Variants in PTPRT observed in about 807,000 individuals in gnomAD.
PTPRT encodes receptor-type tyrosine-protein phosphatase T.
PTPRT carries 56 observed loss-of-function variants against 176.8 expected under a neutral mutation model. The ratio of observed to expected loss-of-function variants is 0.32; its 90% CI spans 0.26 to 0.40. PTPRT has a LOEUF of 0.40. Among genes scored for constraint, PTPRT ranks in the 10% least tolerant of loss-of-function variants. PTPRT has a pLI of 1.00. For missense variants in PTPRT, 1,540 were observed against 1,908.2 expected, an observed-to-expected ratio of 0.81 and a Z score of 3.60; for synonymous variants, 783 against 739.0, an observed-to-expected ratio of 1.06 and a Z score of -0.96.
intron 13 of PTPRT, chr20:42,270,382 G>T: frequency 1.4e-6 from 2 of 1,439,060 alleles, no homozygotes; most frequent in Non-Finnish European, 1.9e-6. Flanking sequence ...ACCCGCCCAG[G>T]GCTCTGGTGA....
intron 15 of PTPRT, among the ~76,000 whole-genome samples, chr20:42,204,676 G>A (rs909067811): frequency 1.3e-5 from 2 of 152,162 alleles, no homozygotes; most frequent in Non-Finnish European, 1.5e-5. Flanking sequence ...CTTGTTAGCT[G>A]AGGGAGGGGT....
Position 42,900,831 on chromosome 20 carries a change from T to G in PTPRT, c.89-14899A>C, listed in dbSNP as rs975403174. The stretch of plus-strand genomic sequence containing the variant: ...TGTGCTAAAGGGTAGAAGCCTACCC[T>G]GAAGCACCATAACCTAAGCCCAGGG... On this transcript the variant is annotated intron_variant, in intron 1 of 30. Coordinates refer to ENST00000373187, the MANE Select transcript of PTPRT (RefSeq NM_007050.6). Among the ~76,000 whole-genome samples the G allele has an allele frequency of 2.5e-4, 38 of 152,068 alleles. 1 individual carries two copies. Among genetic ancestry groups the G allele is most frequent in the African/African-American group, 8.9e-4 (37 of 41,406 alleles).
chr20:42,631,363 T>C (rs2074401000), intron 7 of PTPRT, among the ~76,000 whole-genome samples: 1 of 135,310 alleles, frequency 7.4e-6, no homozygotes, highest in Non-Finnish European at 1.7e-5. Context: ...ATCAAGATAA[T>C]CTTTTAGAAG....
intron 2 of PTPRT, among the ~76,000 whole-genome samples, chr20:42,851,254 A>T (rs2078464351): frequency 2.0e-5 from 3 of 152,182 alleles, no homozygotes; most frequent in Non-Finnish European, 4.4e-5. Context: ...GCCTGGTGTG[A>T]CACTGAGAAT....
chr20:42,732,887 AG>A (rs2076483259), intron 6 of PTPRT, among the ~76,000 whole-genome samples: 2 of 152,322 alleles, frequency 1.3e-5, no homozygotes, highest in East Asian at 1.9e-4. Flanking sequence ...ACACTACAAA[AG>A]ATCCCTGGAT....
chr20:42,906,727 C>T (rs1045298283), intron 1 of PTPRT, among the ~76,000 whole-genome samples: 1 of 152,222 alleles, frequency 6.6e-6, no homozygotes, highest in Admixed American at 6.5e-5. Flanking sequence ...ACCCCCATCA[C>T]ACACCCTGTG....
At chr20:42,608,950 C>T (rs1287613252) in intron 7 of PTPRT, among the ~76,000 whole-genome samples, 1 of 152,052 alleles carries the variant, frequency 6.6e-6, no homozygotes, top group Non-Finnish European at 1.5e-5. Context: ...GATTTGGGGG[C>T]CATGTTTTAA....
intron 8 of PTPRT, among the ~76,000 whole-genome samples, chr20:42,466,426 G>C (rs964821717): frequency 3.9e-5 from 6 of 152,158 alleles, no homozygotes; most frequent in Admixed American, 1.3e-4. Context: ...ACCATACAGA[G>C]AAAAGAACTG....
intron 1 of PTPRT, among the ~76,000 whole-genome samples, chr20:42,923,158 T>G (rs1044657702): frequency 6.6e-6 from 1 of 151,878 alleles, no homozygotes; most frequent in Non-Finnish European, 1.5e-5. Context: ...GTTCAGCCCC[T>G]GCACCTGGAG....
At chr20:42,474,359 C>T (rs1053711345) in intron 7 of PTPRT, among the ~76,000 whole-genome samples, 1 of 152,120 alleles carries the variant, frequency 6.6e-6, no homozygotes, top group African/African-American at 2.4e-5. Context: ...TAACTTGTGT[C>T]GGCGTCCTAC....
At chr20:42,467,300 G>T (rs6072753) in intron 8 of PTPRT, among the ~76,000 whole-genome samples, 2 of 152,110 alleles carry the variant, frequency 1.3e-5, no homozygotes, top group Non-Finnish European at 2.9e-5. Flanking sequence ...AAAGAAAAAA[G>T]GTGCCACATT....
At chr20:43,091,290 C>A (rs1206203211) in intron 1 of PTPRT, among the ~76,000 whole-genome samples, 1 of 151,712 alleles carries the variant, frequency 6.6e-6, no homozygotes, top group Non-Finnish European at 1.5e-5. Context: ...GGCGTGCAGA[C>A]AAAACAGGTA....
At chr20:42,937,980 T>A (rs1980300692) in intron 1 of PTPRT, among the ~76,000 whole-genome samples, 1 of 152,164 alleles carries the variant, frequency 6.6e-6, no homozygotes, top group African/African-American at 2.4e-5. Context: ...CTTCAAAACA[T>A]AATAAAATCA....
At chr20:42,693,178 A>T (rs755106838) in intron 6 of PTPRT, among the ~76,000 whole-genome samples, 1 of 152,224 alleles carries the variant, frequency 6.6e-6, no homozygotes, top group Non-Finnish European at 1.5e-5. Flanking sequence ...ATTCTTCTTC[A>T]CTGAAAACTG....
intron 1 of PTPRT, among the ~76,000 whole-genome samples, chr20:43,145,597 A>G (rs1034426745): frequency 2.0e-5 from 3 of 152,194 alleles, no homozygotes; most frequent in African/African-American, 7.2e-5. Flanking sequence ...AGGAAAGCCC[A>G]TTTTCAGGAT....
intron 7 of PTPRT, among the ~76,000 whole-genome samples, chr20:42,599,696 CCG>C (rs2073741751): frequency 6.6e-6 from 1 of 152,122 alleles, no homozygotes; most frequent in South Asian, 2.1e-4. Context: ...ACAGAACTGG[CCG>C]CACATTTCAT....
chr20:42,396,633 C>A (rs986558631), intron 9 of PTPRT, among the ~76,000 whole-genome samples: 2 of 152,230 alleles, frequency 1.3e-5, no homozygotes, highest in Non-Finnish European at 2.9e-5. Context: ...GTGATCCCAG[C>A]TCACTGCAAC....
chr20:42,885,007 G>A (rs1250206758), intron 2 of PTPRT, among the ~76,000 whole-genome samples: 2 of 151,892 alleles, frequency 1.3e-5, no homozygotes, highest in Admixed American at 1.3e-4. Context: ...AACATATCAG[G>A]TGTACCTCAC....
At chr20:42,779,209 G>C (rs1166469281) in intron 4 of PTPRT, among the ~76,000 whole-genome samples, 1 of 152,162 alleles carries the variant, frequency 6.6e-6, no homozygotes, top group East Asian at 1.9e-4. Context: ...AAAGCAACAT[G>C]GATGAGGCTG....
Sources: gnomAD v4.1 joint callset for allele counts (sites outside exome capture counted in the v4.1 genomes callset) on GRCh38, gnomAD v4.1.1 for gene constraint, MANE v1.5 for transcripts, NCBI Gene and HGNC (gene_info 2026-07-23, HGNC 2026-07-21) for gene names.